Variants in RBM19 observed in about 807,000 individuals in gnomAD.
RBM19 encodes the protein RNA binding motif protein 19, also known as probable RNA-binding protein 19.
RBM19 carries 94 observed loss-of-function variants against 116.8 expected under a neutral mutation model. The observed-to-expected ratio is 0.80, with a 90% CI of 0.68 to 0.95. The LOEUF is 0.95. RBM19 is among the 40% of genes least tolerant of loss of function. The pLI is 0.00. For missense variants in RBM19, 1,161 were observed against 1,220.7 expected (o/e 0.95, Z 0.73); for synonymous variants, 475 against 494.1 (o/e 0.96, Z 0.51).
At chr12:113,919,718 A>C (rs555440722) in intron 19 of RBM19, among the ~76,000 whole-genome samples, 13 of 152,210 alleles carry the variant, frequency 8.5e-5, no homozygotes, top group Middle Eastern at 3.4e-3. Flanking sequence ...AGGAAGGCAT[A>C]TCTCCCTTCT....
chr12:113,936,778 TCCCCTAAAA>T, intron 16 of RBM19: 1 of 474,326 alleles, frequency 2.1e-6, no homozygotes, highest in Non-Finnish European at 3.6e-6. Context: ...GTAATTTTTT[TCCCCTAAAA>T]GCTTTAATTG....
At position 113,904,862 on chromosome 12, in the gene RBM19, G is replaced by A. The variant is rs116186364; in HGVS notation, c.2558+10107C>T. On this transcript the variant is annotated intron_variant, in intron 21 of 23. Transcript: ENST00000261741. ...CTCTCAGACTTTCCCGTCCCCGAAT[G>A]TGGCCAATCATCCAGCTAGCTGCTT... is the stretch of plus-strand genomic sequence containing the variant. 9.4e-3 allele frequency among the ~76,000 whole-genome samples: 1,430 copies of A among 152,256 alleles called. 31 individuals carry two copies. The highest frequency in any genetic ancestry group is 0.033 in the African/African-American group (1,368 of 41,538).
At chr12:113,937,816 G>C (rs1051011769) in intron 15 of RBM19, among the ~76,000 whole-genome samples, 15 of 151,420 alleles carry the variant, frequency 9.9e-5, no homozygotes, top group African/African-American at 3.6e-4. Flanking sequence ...ACAAGACACT[G>C]ATGACACCTG....
At chr12:113,961,179 T>C (rs1872466658) in intron 2 of RBM19, among the ~76,000 whole-genome samples, 1 of 152,160 alleles carries the variant, frequency 6.6e-6, no homozygotes, top group Non-Finnish European at 1.5e-5. Context: ...CATGTCACCA[T>C]GCCCGGCTAA....
chr12:113,872,525 G>A (rs1290785930), intron 21 of RBM19, among the ~76,000 whole-genome samples: 12 of 130,178 alleles, frequency 9.2e-5, no homozygotes, highest in African/African-American at 2.5e-4. Flanking sequence ...GGAGGTGGGG[G>A]TGTCGGCCCC....
chr12:113,874,238 C>T (rs10850233), intron 21 of RBM19, among the ~76,000 whole-genome samples: 16,641 of 152,306 alleles, frequency 0.11, 1,043 homozygotes, highest in Non-Finnish European at 0.15. Context: ...ACCTGGCACA[C>T]AGTAGGTGCC....
downstream of RBM19, among the ~76,000 whole-genome samples, chr12:113,818,976 G>A (rs899987452): frequency 2.6e-5 from 4 of 152,210 alleles, no homozygotes; most frequent in African/African-American, 9.6e-5. Context: ...ACGCCACGTG[G>A]GACAGAGGGA....
At chr12:113,951,638 C>G (rs780665585) in intron 8 of RBM19, among the ~76,000 whole-genome samples, 1 of 152,210 alleles carries the variant, frequency 6.6e-6, no homozygotes, top group Non-Finnish European at 1.5e-5. Flanking sequence ...GAGCCCTTTA[C>G]CCTGACCTCA....
chr12:113,909,863 C>A (rs1368729819), intron 21 of RBM19, among the ~76,000 whole-genome samples: 1 of 152,146 alleles, frequency 6.6e-6, no homozygotes, highest in South Asian at 2.1e-4. Flanking sequence ...TTCATGAGCC[C>A]GGCACTACGC....
intron 21 of RBM19, among the ~76,000 whole-genome samples, chr12:113,864,323 T>G (rs1340616940): frequency 6.6e-6 from 1 of 152,178 alleles, no homozygotes; most frequent in Non-Finnish European, 1.5e-5. Context: ...ATGGGAAGCC[T>G]CTTAGCTGGG....
At chr12:113,949,519 A>G (rs1871306264) in intron 9 of RBM19, among the ~76,000 whole-genome samples, 1 of 152,160 alleles carries the variant, frequency 6.6e-6, no homozygotes, top group East Asian at 1.9e-4. Context: ...AAGATTCCCA[A>G]GGCTCTCCAT....
chr12:113,891,723 C>T (rs575801192), intron 21 of RBM19, among the ~76,000 whole-genome samples: 22 of 152,212 alleles, frequency 1.4e-4, no homozygotes, highest in Admixed American at 7.8e-4. Context: ...GCTATATTAA[C>T]AGAAGCCAAG....
chr12:113,955,269 G>A (rs1455898266), intron 6 of RBM19, 58 bp from the exon 7 acceptor site: 3 of 1,522,328 alleles, frequency 2.0e-6, no homozygotes. Flanking sequence ...ACAGCTGCAG[G>A]AGGTGGCACA....
At position 113,955,125 on chromosome 12, in the gene RBM19, A is replaced by G. The variant is rs1478113343; in HGVS notation, c.921+6T>C. On this transcript the variant is annotated splice_donor_region_variant and intron_variant, in intron 7 of 23. Coordinates refer to ENST00000261741, the MANE Select transcript of RBM19 (RefSeq NM_016196.4). The stretch of plus-strand genomic sequence containing the variant: ...CTGCCGACCCTTGTCCTCAGTTAGC[A>G]CATACCTCTGTGACATTGAACGGGG... 6.2e-6 allele frequency: 10 copies of G among 1,613,524 alleles called. No homozygotes were observed. Among genetic ancestry groups the G allele is most frequent in the Admixed American group, 1.7e-5 (1 of 60,000 alleles).
chr12:113,859,569 G>A (rs1334134249), intron 21 of RBM19, among the ~76,000 whole-genome samples: 1 of 152,120 alleles, frequency 6.6e-6, no homozygotes, highest in East Asian at 1.9e-4. Context: ...TCCTGATAGG[G>A]ATCAAACTGG....
chr12:113,857,165 C>T lies in RBM19; in HGVS notation c.2664+1626G>A, dbSNP rs114192728. Among the ~76,000 whole-genome samples, 725 of 152,336 alleles carry T rather than the reference C, an allele frequency of 4.8e-3. 10 individuals are homozygous for T. Among genetic ancestry groups the T allele is most frequent in the African/African-American group, 0.017 (694 of 41,576 alleles). Reference sequence around the variant, plus strand: ...GCCCAATCCCCTTGGATACCCAGAGCTCAGTGGAATGCAGTGGAGAAAAGA... The same window carrying T: ...GCCCAATCCCCTTGGATACCCAGAGTTCAGTGGAATGCAGTGGAGAAAAGA... On this transcript the variant is annotated intron_variant, in intron 22 of 23. Coordinates refer to ENST00000261741, the MANE Select transcript of RBM19 (RefSeq NM_016196.4).
At chr12:113,866,332 G>C (rs1878806832) in intron 21 of RBM19, among the ~76,000 whole-genome samples, 1 of 152,180 alleles carries the variant, frequency 6.6e-6, no homozygotes, top group South Asian at 2.1e-4. Context: ...GTGTGGAGGA[G>C]GGCCTTTAGC....
chr12:113,861,204 G>C lies in RBM19; in HGVS notation c.2559-2308C>G, dbSNP rs1287330288. Among the ~76,000 whole-genome samples, 3 of 152,184 alleles carry C rather than the reference G, an allele frequency of 2.0e-5. No individual in the cohort carries two copies. The East Asian group carries it at 5.8e-4, about 29-fold the overall frequency. ...TCATCTGGACGGGGACTGGCCACTT[G>C]CAAGAGCTGGGGCCTCTTTCTTCCC... On this transcript the variant is annotated intron_variant, in intron 21 of 23. Transcript: ENST00000261741.
intron 21 of RBM19, among the ~76,000 whole-genome samples, chr12:113,907,262 T>C (rs1007037): frequency 0.093 from 14,204 of 152,196 alleles, 967 homozygotes; most frequent in East Asian, 0.39. Context: ...ATTTATTTGT[T>C]CATTTGTTTA....
Sources: allele counts gnomAD v4.1 joint callset (sites outside exome capture counted in the v4.1 genomes callset), GRCh38; gene constraint gnomAD v4.1.1; transcripts MANE v1.5; gene names NCBI Gene and HGNC (gene_info 2026-07-23, HGNC 2026-07-21).